The following CA10 variants were observed in gnomAD, a reference collection of about 807,000 sequenced individuals.
CA10 encodes the protein carbonic anhydrase-related protein 10.
CA10 carries 14 observed loss-of-function variants against 44.2 expected under a neutral mutation model. That is an observed-to-expected ratio of 0.32 (90% CI 0.21 to 0.50). The LOEUF is 0.50. CA10 is among the 20% of genes least tolerant of loss of function. The pLI, the probability that CA10 is intolerant of heterozygous loss-of-function variation, is 0.99. For missense variants in CA10, 350 were observed against 409.7 expected (o/e 0.85, Z 1.26); for synonymous variants, 159 against 141.6 (o/e 1.12, Z -0.87).
intron 1 of CA10, among the ~76,000 whole-genome samples, chr17:52,157,322 C>G (rs558389036): frequency 6.6e-6 from 1 of 152,104 alleles, no homozygotes; most frequent in Non-Finnish European, 1.5e-5. Context: ...CCGGGCAGGG[C>G]CCCGCGTCCA....
chr17:51,693,677 C>CT (rs569839819), intron 4 of CA10, among the ~76,000 whole-genome samples: 28 of 152,150 alleles, frequency 1.8e-4, no homozygotes, highest in African/African-American at 6.7e-4. Context: ...TGATTTCATT[C>CT]TTTTTTTATT....
chr17:52,061,582 G>T (rs937328012), intron 2 of CA10, among the ~76,000 whole-genome samples: 1 of 152,150 alleles, frequency 6.6e-6, no homozygotes, highest in African/African-American at 2.4e-5. Context: ...GGAGGTGATT[G>T]GATCATGGGG....
intron 3 of CA10, among the ~76,000 whole-genome samples, chr17:51,806,716 G>C (rs1907153661): frequency 6.6e-6 from 1 of 152,160 alleles, no homozygotes; most frequent in Non-Finnish European, 1.5e-5. Context: ...GTACAAAATA[G>C]GCAATGCATA....
chr17:51,911,748 C>G (rs1413896421), intron 3 of CA10, among the ~76,000 whole-genome samples: 1 of 152,166 alleles, frequency 6.6e-6, no homozygotes, highest in African/African-American at 2.4e-5. Flanking sequence ...ATCTACTTGT[C>G]ATTTTCTGGG....
intron 4 of CA10, among the ~76,000 whole-genome samples, chr17:51,720,882 G>C (rs1567816804): frequency 6.6e-6 from 1 of 152,038 alleles, no homozygotes; most frequent in Non-Finnish European, 1.5e-5. Flanking sequence ...CTTTAAAATT[G>C]CTAATAGATT....
At chr17:51,932,844 A>C (rs946504355) in intron 2 of CA10, among the ~76,000 whole-genome samples, 5 of 152,164 alleles carry the variant, frequency 3.3e-5, no homozygotes, top group African/African-American at 1.2e-4. Context: ...ATATTTAAGA[A>C]AGTTCTTGCA....
chr17:51,664,218 C>T (rs1914125183), intron 4 of CA10, among the ~76,000 whole-genome samples: 1 of 152,074 alleles, frequency 6.6e-6, no homozygotes, highest in African/African-American at 2.4e-5. Flanking sequence ...CAAAAAAAAG[C>T]GTTGGTCTAG....
intron 3 of CA10, among the ~76,000 whole-genome samples, chr17:51,863,275 T>C (rs1277951589): frequency 6.6e-6 from 1 of 152,220 alleles, no homozygotes; most frequent in Non-Finnish European, 1.5e-5. Context: ...CATACGCTGC[T>C]CTTTCTGTCT....
intron 2 of CA10, among the ~76,000 whole-genome samples, chr17:51,999,791 C>T (rs965160898): frequency 6.6e-6 from 1 of 152,038 alleles, no homozygotes; most frequent in Non-Finnish European, 1.5e-5. Context: ...TACTGCTTTA[C>T]ATGTGGGCTT....
At chr17:51,696,881 A>T (rs1358401550) in intron 4 of CA10, among the ~76,000 whole-genome samples, 2 of 152,200 alleles carry the variant, frequency 1.3e-5, no homozygotes, top group East Asian at 1.9e-4. Context: ...ATCAAACTAA[A>T]ACGAGTTTGA....
intron 3 of CA10, among the ~76,000 whole-genome samples, chr17:51,781,315 G>A (rs1248357922): frequency 1.3e-5 from 2 of 152,190 alleles, no homozygotes; most frequent in Non-Finnish European, 2.9e-5. Flanking sequence ...ACTGAGTGTT[G>A]TAAAATGTTG....
At chr17:51,911,818 T>C (rs975598959) in intron 3 of CA10, among the ~76,000 whole-genome samples, 40 of 152,308 alleles carry the variant, frequency 2.6e-4, no homozygotes, top group African/African-American at 9.6e-4. Flanking sequence ...CAACCTAGCT[T>C]GGCCATCCTA....
intron 3 of CA10, among the ~76,000 whole-genome samples, chr17:51,899,996 C>T (rs145949468): frequency 6.5e-4 from 99 of 151,392 alleles, no homozygotes; most frequent in Non-Finnish European, 1.0e-3. Context: ...TCCAACTTGC[C>T]GCTCTGTGCC....
At chr17:51,949,625 C>T (rs540705428) in intron 2 of CA10, among the ~76,000 whole-genome samples, 5 of 152,214 alleles carry the variant, frequency 3.3e-5, no homozygotes, top group South Asian at 2.1e-4. Context: ...GTTCATTTAG[C>T]GTGTAAGCCA....
intron 3 of CA10, among the ~76,000 whole-genome samples, chr17:51,774,479 G>T (rs1434558423): frequency 1.3e-5 from 2 of 149,896 alleles, no homozygotes; most frequent in Non-Finnish European, 3.0e-5. Flanking sequence ...TCGCTCTGTT[G>T]CCCAAGGTGG....
chr17:52,024,748 T>C (rs1986247136), intron 2 of CA10, among the ~76,000 whole-genome samples: 1 of 152,068 alleles, frequency 6.6e-6, no homozygotes, highest in African/African-American at 2.4e-5. Context: ...AATAATTATA[T>C]TACAGGCTGG....
At chr17:51,937,211 G>T (rs551622162) in intron 2 of CA10, among the ~76,000 whole-genome samples, 1 of 152,152 alleles carries the variant, frequency 6.6e-6, no homozygotes, top group East Asian at 1.9e-4. Context: ...CTCTACTTTG[G>T]GGTTATAAAG....
At chr17:52,078,491 C>T (rs1987876907) in intron 1 of CA10, among the ~76,000 whole-genome samples, 1 of 152,200 alleles carries the variant, frequency 6.6e-6, no homozygotes. Flanking sequence ...AGTACATACA[C>T]TGCTATGGTT....
chr17:52,150,356 C>T (rs551216310), intron 1 of CA10, among the ~76,000 whole-genome samples: 2 of 152,168 alleles, frequency 1.3e-5, no homozygotes, highest in African/African-American at 2.4e-5. Context: ...TATTACAATG[C>T]CTATCACATT....
Sources: gnomAD v4.1 joint callset for allele counts (sites outside exome capture counted in the v4.1 genomes callset) on GRCh38, gnomAD v4.1.1 for gene constraint, MANE v1.5 for transcripts, NCBI Gene and HGNC (gene_info 2026-07-23, HGNC 2026-07-21) for gene names.